LINGO2: variants seen among roughly 807,000 people sequenced by gnomAD.
LINGO2 encodes leucine-rich repeat and immunoglobulin-like domain-containing nogo receptor-interacting protein 2.
A neutral mutation model predicts 30.6 loss-of-function variants in LINGO2; 14 were observed. The ratio of observed to expected loss-of-function variants is 0.46; its 90% CI spans 0.30 to 0.72. The LOEUF (loss-of-function observed/expected upper bound fraction) is 0.72, where lower values mean the gene tolerates loss of function less well. Among genes scored for constraint, LINGO2 ranks in the 30% least tolerant of loss-of-function variants. The probability of loss-of-function intolerance (pLI) is 0.07; values close to 1 mark genes in which losing one functional copy is unlikely to be tolerated. For missense variants in LINGO2, 729 were observed against 751.7 expected (o/e 0.97, Z 0.35); for synonymous variants, 317 against 288.5 (o/e 1.10, Z -1.00).
chr9:28,038,944 A>G (rs1365544530), intron 4 of LINGO2, among the ~76,000 whole-genome samples: 2 of 152,324 alleles, frequency 1.3e-5, no homozygotes, highest in East Asian at 1.9e-4. Context: ...ATCTCTTCCA[A>G]ATAAACCTTC....
At chr9:28,215,275 G>T (rs975787333) in intron 4 of LINGO2, among the ~76,000 whole-genome samples, 1 of 151,780 alleles carries the variant, frequency 6.6e-6, no homozygotes, top group Non-Finnish European at 1.5e-5. Flanking sequence ...GAGGTCAAAA[G>T]TTTACACTTG....
At chr9:28,346,112 T>G (rs915409677) in intron 3 of LINGO2, among the ~76,000 whole-genome samples, 1 of 152,308 alleles carries the variant, frequency 6.6e-6, no homozygotes, top group African/African-American at 2.4e-5. Context: ...GTTTGTTATA[T>G]AAACTTGTGT....
chr9:28,182,662 C>T (rs1308363040), intron 4 of LINGO2, among the ~76,000 whole-genome samples: 2 of 152,112 alleles, frequency 1.3e-5, no homozygotes, highest in East Asian at 1.9e-4. Flanking sequence ...TGAACAGACA[C>T]TTCTCAAAAG....
At chr9:29,184,534 T>C in the LINGO2 span, among the ~76,000 whole-genome samples, 7,003 of 152,220 alleles carry the variant, frequency 0.046, 242 homozygotes, top group Admixed American at 0.081. Flanking sequence ...TTTCAGAATA[T>C]ATATGTCTCT....
intron 1 of LINGO2, among the ~76,000 whole-genome samples, chr9:28,506,479 C>CATATATATATAT (rs1262674322): frequency 1.4e-3 from 16 of 11,362 alleles, no homozygotes; most frequent in Non-Finnish European, 3.0e-3. Context: ...CACACACACA[C>CATATATATATAT]ATACACATAC....
chr9:28,861,957 C>G, the LINGO2 span, among the ~76,000 whole-genome samples: 1 of 152,166 alleles, frequency 6.6e-6, no homozygotes, highest in African/African-American at 2.4e-5. Flanking sequence ...CTCCCGTAAA[C>G]TAAAAATTAT....
chr9:28,079,334 G>A (rs186296821), intron 4 of LINGO2, among the ~76,000 whole-genome samples: 43 of 152,186 alleles, frequency 2.8e-4, no homozygotes, highest in Non-Finnish European at 4.9e-4. Context: ...AAAGCAACCA[G>A]CCACACCCAA....
the LINGO2 span, among the ~76,000 whole-genome samples, chr9:28,735,526 C>T: frequency 6.6e-6 from 1 of 152,120 alleles, no homozygotes; most frequent in South Asian, 2.1e-4. Context: ...TATTATGGCT[C>T]AAATCAAGTT....
intron 2 of LINGO2, among the ~76,000 whole-genome samples, chr9:28,466,260 A>G (rs181247981): frequency 6.6e-6 from 1 of 152,348 alleles, no homozygotes; most frequent in East Asian, 1.9e-4. Context: ...TGGTACATAT[A>G]CACAGTGAAG....
chr9:28,194,657 A>C (rs753260038), intron 4 of LINGO2, among the ~76,000 whole-genome samples: 16 of 151,938 alleles, frequency 1.1e-4, no homozygotes, highest in Non-Finnish European at 2.1e-4. Flanking sequence ...ACTATCTTAG[A>C]AATGTATGGA....
At chr9:29,020,593 A>G in the LINGO2 span, among the ~76,000 whole-genome samples, 1 of 152,170 alleles carries the variant, frequency 6.6e-6, no homozygotes, top group Non-Finnish European at 1.5e-5. Context: ...CCCAAGCTCA[A>G]TGTGGAAGCA....
the LINGO2 span, among the ~76,000 whole-genome samples, chr9:28,748,693 T>A: frequency 6.6e-6 from 1 of 152,046 alleles, no homozygotes. Flanking sequence ...TTCTTGTTCT[T>A]AAACTGAATG....
At chr9:28,958,362 T>C in the LINGO2 span, among the ~76,000 whole-genome samples, 6 of 152,118 alleles carry the variant, frequency 3.9e-5, no homozygotes, top group African/African-American at 1.4e-4. Flanking sequence ...TAAGAGTATC[T>C]AGGCAAAAAG....
At chr9:27,949,589 G>A (rs1178874987) in exon 6 of LINGO2, 5 of 1,613,954 alleles carry the variant, frequency 3.1e-6, no homozygotes, top group Non-Finnish European at 4.2e-6. Flanking sequence ...AGAGAAGGCG[G>A]CAGTCACAGG....
At chr9:28,394,360 G>GT (rs1564172246) in intron 2 of LINGO2, among the ~76,000 whole-genome samples, 1 of 151,932 alleles carries the variant, frequency 6.6e-6, no homozygotes, top group Non-Finnish European at 1.5e-5. Flanking sequence ...AATGGGGATT[G>GT]TTTTTTCCAT....
chr9:29,171,578 A>G, the LINGO2 span, among the ~76,000 whole-genome samples: 2 of 151,862 alleles, frequency 1.3e-5, no homozygotes, highest in African/African-American at 4.8e-5. Flanking sequence ...AATAACTTGT[A>G]ATAGCAAAAA....
At chr9:28,398,111 C>G (rs1180520689) in intron 2 of LINGO2, among the ~76,000 whole-genome samples, 1 of 152,092 alleles carries the variant, frequency 6.6e-6, no homozygotes, top group African/African-American at 2.4e-5. Context: ...AAAGATCAGT[C>G]AGTGTTATGA....
the LINGO2 span, among the ~76,000 whole-genome samples, chr9:28,876,040 C>G: frequency 5.3e-5 from 8 of 152,056 alleles, no homozygotes; most frequent in East Asian, 1.5e-3. Context: ...ATATTAAACC[C>G]TTTCACTCCG....
At chr9:28,014,973 T>C (rs77635455) in intron 4 of LINGO2, among the ~76,000 whole-genome samples, 1 of 152,134 alleles carries the variant, frequency 6.6e-6, no homozygotes, top group Non-Finnish European at 1.5e-5. Flanking sequence ...CTAAAGTTTG[T>C]ACAAAAAATG....
Sources: allele counts gnomAD v4.1 joint callset (sites outside exome capture counted in the v4.1 genomes callset), GRCh38; gene constraint gnomAD v4.1.1; transcripts MANE v1.5; gene names NCBI Gene and HGNC (gene_info 2026-07-23, HGNC 2026-07-21).